Variants in TUBE1 observed in about 807,000 individuals in gnomAD.
TUBE1 encodes tubulin epsilon 1.
In TUBE1, 34 loss-of-function variants were observed where a neutral mutation model predicts 53.5. The ratio of observed to expected loss-of-function variants is 0.64; its 90% CI spans 0.48 to 0.85. The LOEUF (loss-of-function observed/expected upper bound fraction) is 0.85, where lower values mean the gene tolerates loss of function less well. Ranked by LOEUF, TUBE1 falls within the 40% of genes least tolerant of loss-of-function variation. The pLI, the probability that TUBE1 is intolerant of heterozygous loss-of-function variation, is 0.00. For synonymous variants in TUBE1, 177 were observed against 198.4 expected, an observed-to-expected ratio of 0.89 and a Z score of 0.91; for missense variants, 532 against 570.5, an observed-to-expected ratio of 0.93 and a Z score of 0.69.
intron 2 of TUBE1, 54 bp from the exon 3 acceptor site, chr6:112,086,662 C>G: frequency 1.7e-6 from 2 of 1,205,490 alleles, no homozygotes; most frequent in Non-Finnish European, 2.4e-6. Context: ...TCGCCCAAAT[C>G]AAGTTCTTTC....
intron 4 of TUBE1, among the ~76,000 whole-genome samples, chr6:112,083,209 A>G (rs1485840368): frequency 6.6e-6 from 1 of 151,930 alleles, no homozygotes; most frequent in Non-Finnish European, 1.5e-5. Context: ...TTCCAAGGAC[A>G]TCGGAGATTG....
intron 6 of TUBE1, chr6:112,078,753 T>C (rs1203089696): frequency 6.6e-6 from 1 of 152,062 alleles, no homozygotes; most frequent in Non-Finnish European, 1.5e-5. Context: ...TTAATTATAC[T>C]AGCACAGAAA....
Position 112,072,006 on chromosome 6 carries a change from G to C in TUBE1, c.1165C>G (p.Pro389Ala). ...GWKTSLCSVP[P>A]VGHSHSLLAL... ...AATAACGAATGAGAATGGCCCACAG[G>C]AGGTACGGAACACAGGCTGGTCTTC... Residue 389 changes from proline to alanine, a missense_variant, in exon 11 of 12, where the codon CCT becomes GCT. By Grantham distance (27) the Pro-to-Ala change is conservative. Coordinates refer to ENST00000368662, the MANE Select transcript of TUBE1 (RefSeq NM_016262.5). 6.2e-7 allele frequency: 1 copy of C among 1,613,200 alleles called. No homozygotes were observed. Among genetic ancestry groups the C allele is most frequent in the Non-Finnish European group, 8.5e-7 (1 of 1,179,598 alleles).
chr6:112,085,755 A>C (rs1777142108), intron 3 of TUBE1: 1 of 470,318 alleles, frequency 2.1e-6, no homozygotes, highest in African/African-American at 2.0e-5. Flanking sequence ...TACAAAAGAT[A>C]AAGTAATGTG....
rs782566122 is a variant in TUBE1 at position 112,071,461 on chromosome 6, G to C, written c.1379C>G (p.Thr460Arg). ...TAAATCCTGCACAGGCATGTTTTTTGTGGCGTCCAGTTGGTCATATTCCTG... is the reference window on the plus strand; with the variant it reads ...TAAATCCTGCACAGGCATGTTTTTTCTGGCGTCCAGTTGGTCATATTCCTG... The part of the protein sequence containing the change: ...LIQEYDQLDA[T>R]KNMPVQDLPR... The change falls in exon 12 of 12, where the codon ACA (threonine) becomes AGA (arginine). Residue 460 changes from threonine to arginine, a missense_variant. By Grantham distance (71) the Thr-to-Arg change is moderately conservative (BLOSUM62 -1). Transcript: ENST00000368662. The C allele has an allele frequency of 6.2e-7, 1 of 1,609,666 alleles. No homozygotes were observed. Among genetic ancestry groups the C allele is most frequent in the South Asian group, 1.1e-5 (1 of 90,466 alleles).
At chr6:112,087,340 G>A (rs782631522) in intron 1 of TUBE1, 34 bp from the exon 2 acceptor site, 57 of 1,551,564 alleles carry the variant, frequency 3.7e-5, no homozygotes, top group Admixed American at 5.9e-5. Context: ...AAGAGAATAG[G>A]ACATTAAGCA....
chr6:112,081,213 A>T lies in TUBE1; in HGVS notation c.211-6T>A. The T allele has an allele frequency of 6.8e-7, 1 of 1,460,208 alleles. No homozygotes were observed. Among genetic ancestry groups the T allele is most frequent in the Non-Finnish European group, 9.5e-7 (1 of 1,056,034 alleles). The allele number at this position is 1,460,208 out of a possible 1,614,324, so 90.5% of individuals were successfully genotyped here. On this transcript the variant is annotated splice_polypyrimidine_tract_variant and splice_region_variant and intron_variant, in intron 4 of 11. Transcript: ENST00000368662. ...TCCATATCAATCAAGACTGCCTGAG[A>T]AAGAAAAATAAAATATAATTAATGT... is the stretch of plus-strand genomic sequence containing the variant.
intron 11 of TUBE1, 52 bp downstream of exon 11, chr6:112,071,850 T>C (rs373883720): frequency 5.3e-5 from 80 of 1,513,392 alleles, no homozygotes; most frequent in South Asian, 3.8e-4. Flanking sequence ...TAAGAATACA[T>C]CTTAAATAGC....
At position 112,072,894 on chromosome 6, in the gene TUBE1, C is replaced by A. The variant is rs1412404027; in HGVS notation, c.958G>T (p.Asp320Tyr). ...CTAAAGGCATCTGAAAACATCTGAT[C>A]CAATCTGCAACAATGAAATTGTCAT... is the stretch of plus-strand genomic sequence containing the variant. ...TDVNIPPRRLDQMFSDAFSKD... is the reference protein window; with the variant it reads ...TDVNIPPRRLYQMFSDAFSKD... The change falls in exon 10 of 12, where the codon GAT becomes TAT. Residue 320 changes from aspartate to tyrosine, a missense_variant. By Grantham distance (160) the Asp-to-Tyr change is radical. Transcript: ENST00000368662. 4 of 1,612,518 alleles carry A rather than the reference C, an allele frequency of 2.5e-6. No individual in the cohort carries two copies. The East Asian group carries it at 6.7e-5, about 27-fold the overall frequency.
At chr6:112,082,000 A>T (rs1336054711) in intron 4 of TUBE1, among the ~76,000 whole-genome samples, 3 of 152,122 alleles carry the variant, frequency 2.0e-5, no homozygotes, top group African/African-American at 7.2e-5. Flanking sequence ...CTTAGGGTAC[A>T]CTAAACAATG....
intron 9 of TUBE1, 125 bp from the exon 10 acceptor site, chr6:112,073,023 T>TTA (rs1776896825): frequency 1.8e-6 from 1 of 564,054 alleles, no homozygotes; most frequent in East Asian, 3.6e-5. Context: ...AAATATTAGA[T>TTA]TATATATATT....
Position 112,071,497 on chromosome 6 carries a change from G to A in TUBE1, c.1343C>T (p.Ser448Leu). 1 of 1,612,660 alleles carries A rather than the reference G, an allele frequency of 6.2e-7. No homozygotes were observed. Among genetic ancestry groups the A allele is most frequent in the Non-Finnish European group, 8.5e-7 (1 of 1,179,156 alleles). The change falls in exon 12 of 12, where the codon TCA becomes TTA. Residue 448 changes from serine (S) to leucine (L), a missense_variant. Coordinates refer to ENST00000368662, the MANE Select transcript of TUBE1 (RefSeq NM_016262.5). ...TTGGTCATATTCCTGTATGAGTGCT[G>A]ATAAAGATGACACAGCTTCTGTGAA... ...SCFTEAVSSL[S>L]ALIQEYDQLD...
Position 112,072,788 on chromosome 6 carries a change from T to G in TUBE1, c.1064A>C (p.Gln355Pro), listed in dbSNP as rs1554315538. The change falls in exon 10 of 12, where the codon CAA (glutamine) becomes CCA (proline). Residue 355 changes from glutamine (Q) to proline (P), a missense_variant. Coordinates refer to ENST00000368662, the MANE Select transcript of TUBE1 (RefSeq NM_016262.5). Reference sequence around the variant, plus strand: ...AATATTTCTACGAAGATCTGAAATTTGTACATTTCCTCTAACCATGAGTGC... The same window carrying G: ...AATATTTCTACGAAGATCTGAAATTGGTACATTTCCTCTAACCATGAGTGC... Reference protein sequence around the residue: ...ACALMVRGNVQISDLRRNIER... With the variant: ...ACALMVRGNVPISDLRRNIER... 3 of 1,613,312 alleles carry G rather than the reference T, an allele frequency of 1.9e-6. No individual in the cohort carries two copies. The African/African-American group carries it at 4.0e-5, about 22-fold the overall frequency.
At position 112,079,624 on chromosome 6, in the gene TUBE1, A is replaced by G; in HGVS notation, c.448+9T>C. ...ACACTGTTACAGGCAAATGAGTGAAAAATTTTACCTCCTCCCATGGAATGT... is the reference window on the plus strand; with the variant it reads ...ACACTGTTACAGGCAAATGAGTGAAGAATTTTACCTCCTCCCATGGAATGT... On this transcript the variant is annotated intron_variant, in intron 6 of 11. Transcript: ENST00000368662. 1 of 1,611,082 alleles carries G rather than the reference A, an allele frequency of 6.2e-7. No individual in the cohort carries two copies. Among genetic ancestry groups the G allele is most frequent in the Non-Finnish European group, 8.5e-7 (1 of 1,178,654 alleles).
In TUBE1 at chr6:112,084,255, T is replaced by C. The variant is rs1562606218; in HGVS notation, c.153-9A>G. The C allele has an allele frequency of 1.2e-6, 2 of 1,610,688 alleles. No individual in the cohort carries two copies. The highest frequency in any genetic ancestry group is 2.7e-5 in the African/African-American group (2 of 74,842). On this transcript the variant is annotated splice_polypyrimidine_tract_variant and intron_variant, in intron 3 of 11. Coordinates refer to ENST00000368662, the MANE Select transcript of TUBE1 (RefSeq NM_016262.5). ...CACCATCACCAACCACTCTGAAAGA[T>C]AAAAAAATGAGAAATGGTCATAAGA...
At chr6:112,074,953 C>A (rs1190539816) in intron 8 of TUBE1, 103 bp from the exon 9 acceptor site, 1 of 718,314 alleles carries the variant, frequency 1.4e-6, no homozygotes, top group African/African-American at 1.8e-5. Flanking sequence ...TTCTTTTGTA[C>A]ACTGTTCTTC....
intron 10 of TUBE1, 128 bp from the exon 11 acceptor site, chr6:112,072,204 A>T (rs1554315458): frequency 2.8e-5 from 18 of 636,148 alleles, no homozygotes; most frequent in Non-Finnish European, 7.6e-6. Context: ...CTTAGTTTAG[A>T]CGCTAAGTTA....
Position 112,071,830 on chromosome 6 carries a change from G to C in TUBE1, c.1269+72C>G, listed in dbSNP as rs116779782. 1.5e-3 allele frequency: 2,127 copies of C among 1,398,726 alleles called. 13 individuals are homozygous for C. In the African/African-American group the frequency reaches 0.021, roughly 14 times the overall value. 86.6% of individuals were successfully genotyped at this position (1,398,726 alleles called of 1,614,324 possible). A position where few individuals can be genotyped will look rare whatever the true frequency, so the allele number is the denominator to read the frequency against. The stretch of plus-strand genomic sequence containing the variant: ...AAAACATCACCCCTGATTTGTAATA[G>C]TGTAATTTTTAAGAATACATCTTAA... On this transcript the variant is annotated intron_variant, in intron 11 of 11. Coordinates refer to ENST00000368662, the MANE Select transcript of TUBE1 (RefSeq NM_016262.5).
At chr6:112,078,441 T>C (rs889988441) in intron 6 of TUBE1, 2 of 152,028 alleles carry the variant, frequency 1.3e-5, no homozygotes, top group East Asian at 1.9e-4. Flanking sequence ...AGTTACAGTA[T>C]AGTATATATT....
Sources: allele counts gnomAD v4.1 joint callset (sites outside exome capture counted in the v4.1 genomes callset), GRCh38; gene constraint gnomAD v4.1.1; transcripts MANE v1.5; gene names NCBI Gene and HGNC (gene_info 2026-07-23, HGNC 2026-07-21).